The following TOP1 variants were observed in gnomAD, a reference collection of about 807,000 sequenced individuals.
The protein encoded by TOP1 is DNA topoisomerase I.
TOP1 carries 10 observed loss-of-function variants against 111.1 expected under a neutral mutation model. The observed-to-expected ratio is 0.09, with a 90% CI of 0.06 to 0.15. The LOEUF is 0.15. TOP1 is among the 10% of genes least tolerant of loss of function. The pLI is 1.00. For synonymous variants in TOP1, 271 were observed against 302.9 expected, an observed-to-expected ratio of 0.89 and a Z score of 1.10; for missense variants, 474 against 926.7, an observed-to-expected ratio of 0.51 and a Z score of 6.34.
rs2033452932 is a variant in TOP1, at chr20:41,054,983, G to T, written c.59-6411G>T. 1.3e-5 allele frequency among the ~76,000 whole-genome samples: 2 copies of T among 152,232 alleles called. 1 individual carries two copies. The highest frequency in any genetic ancestry group is 4.1e-4 in the South Asian group (2 of 4,824). On this transcript the variant is annotated intron_variant, in intron 2 of 20. Transcript: ENST00000361337. ...TTTTAAACCCCAGGGAATACGTTAG[G>T]TAACAATAGCAAAAGATGTTGATTC... is the stretch of plus-strand genomic sequence containing the variant.
chr20:41,049,083 C>T (rs963543045), intron 2 of TOP1, among the ~76,000 whole-genome samples: 1 of 152,164 alleles, frequency 6.6e-6, no homozygotes, highest in Non-Finnish European at 1.5e-5. Flanking sequence ...TCATTTAACC[C>T]TTTTGTGTGT....
At chr20:41,055,460 C>G (rs1318122863) in intron 2 of TOP1, among the ~76,000 whole-genome samples, 2 of 152,102 alleles carry the variant, frequency 1.3e-5, no homozygotes, top group East Asian at 3.9e-4. Flanking sequence ...GATCTGTGTG[C>G]CCTTATTGGC....
intron 3 of TOP1, 32 bp from the exon 4 acceptor site, chr20:41,076,139 G>T: frequency 6.3e-7 from 1 of 1,598,210 alleles, no homozygotes; most frequent in South Asian, 1.1e-5. Context: ...TCCCTACTCT[G>T]GGCTAACGCT....
intron 9 of TOP1, among the ~76,000 whole-genome samples, chr20:41,096,170 G>A (rs532855141): frequency 5.9e-5 from 9 of 152,262 alleles, no homozygotes; most frequent in South Asian, 2.1e-4. Flanking sequence ...GGGTTCAAGC[G>A]ATTCTCATGC....
chr20:41,055,898 A>T (rs926981037), intron 2 of TOP1, among the ~76,000 whole-genome samples: 1 of 152,202 alleles, frequency 6.6e-6, no homozygotes, highest in Non-Finnish European at 1.5e-5. Context: ...TCTTCTTGCC[A>T]TGCCCTCACA....
chr20:41,089,017 G>GTTATTTTTT (rs1290740653), intron 8 of TOP1, among the ~76,000 whole-genome samples: 1 of 69,272 alleles, frequency 1.4e-5, no homozygotes, highest in African/African-American at 7.8e-5. Flanking sequence ...TGTTGCCCCA[G>GTTATTTTTT]TTCTTTTTTT....
chr20:41,075,864 G>A (rs1243806786), intron 3 of TOP1, among the ~76,000 whole-genome samples: 1 of 152,204 alleles, frequency 6.6e-6, no homozygotes, highest in Non-Finnish European at 1.5e-5. Flanking sequence ...TGAAGTTGGA[G>A]CTTTCATTAT....
Position 41,058,316 on chromosome 20 carries a change from C to G in TOP1, c.59-3078C>G, listed in dbSNP as rs2033499940. Among the ~76,000 whole-genome samples the G allele has an allele frequency of 6.6e-6, 1 of 152,214 alleles. No individual in the cohort carries two copies. The highest frequency in any genetic ancestry group is 1.5e-5 in the Non-Finnish European group (1 of 68,044). ...ATATAATAGCTTAAAACAACAGACA[C>G]TTATTTTCTCATGTAGTTCCTGTGA... On this transcript the variant is annotated intron_variant, in intron 2 of 20. Transcript: ENST00000361337. The surrounding 1 kb of genome is among the most constrained non-coding windows in gnomAD (Gnocchi z 4.2).
At chr20:41,038,011 G>A (rs543971414) in intron 2 of TOP1, among the ~76,000 whole-genome samples, 7 of 152,298 alleles carry the variant, frequency 4.6e-5, no homozygotes, top group Admixed American at 3.9e-4. Flanking sequence ...AAAAAAATCT[G>A]GGAAGATGAG....
rs2145947579 is a variant in TOP1, at chr20:41,095,061, T to C, written c.731-2159T>C. Among the ~76,000 whole-genome samples, 1 of 152,266 alleles carries C rather than the reference T, an allele frequency of 6.6e-6. No homozygotes were observed. Among genetic ancestry groups the C allele is most frequent in the South Asian group, 2.1e-4 (1 of 4,812 alleles). On this transcript the variant is annotated intron_variant, in intron 9 of 20. Transcript: ENST00000361337. This position sits in a 1 kb window ranked among gnomAD's most constrained non-coding sequence, Gnocchi z 4.6. ...TTTTTTTTAAATTTATTTTTATATTTATTTATTTGAGACAGAGTCACACTC... is the reference window on the plus strand; with the variant it reads ...TTTTTTTTAAATTTATTTTTATATTCATTTATTTGAGACAGAGTCACACTC...
At position 41,116,525 on chromosome 20, in the gene TOP1, T is replaced by C. The variant is rs1196494675; in HGVS notation, c.1822+133T>C. ...GTCAGACACTTTTTCCCTTTAGACC[T>C]CTAGTAGCGAGATAATGCTTTGTTG... On this transcript the variant is annotated intron_variant, in intron 17 of 20. Transcript: ENST00000361337. This position sits in a 1 kb window ranked among gnomAD's most constrained non-coding sequence, Gnocchi z 5.6. The C allele has an allele frequency of 1.6e-6, 1 of 632,954 alleles. No homozygotes were observed. Among genetic ancestry groups the C allele is most frequent in the African/African-American group, 1.8e-5 (1 of 54,776 alleles). 39.2% of individuals were successfully genotyped at this position (632,954 alleles called of 1,614,324 possible).
At chr20:41,060,643 T>C (rs2033533202) in intron 2 of TOP1, among the ~76,000 whole-genome samples, 1 of 152,178 alleles carries the variant, frequency 6.6e-6, no homozygotes, top group African/African-American at 2.4e-5. Flanking sequence ...TTAATATTTG[T>C]AGGGGATTGG....
rs1347922542 is a variant in TOP1 at position 41,082,578 on chromosome 20, A to G, written c.507+1338A>G. Among the ~76,000 whole-genome samples, 1 of 152,214 alleles carries G rather than the reference A, an allele frequency of 6.6e-6. No individual in the cohort carries two copies. The highest frequency in any genetic ancestry group is 3.2e-3 in the Middle Eastern group (1 of 316). The stretch of plus-strand genomic sequence containing the variant: ...CTAATTCTGCAAGGAGGGAGAAGAA[A>G]GGTCTTTAATGAAATCATATGAAGA... On this transcript the variant is annotated intron_variant, in intron 7 of 20. Coordinates refer to ENST00000361337, the MANE Select transcript of TOP1 (RefSeq NM_003286.4). This position sits in a 1 kb window ranked among gnomAD's most constrained non-coding sequence, Gnocchi z 4.1.
intron 2 of TOP1, among the ~76,000 whole-genome samples, chr20:41,053,731 AT>A (rs1224821859): frequency 6.6e-6 from 1 of 152,124 alleles, no homozygotes; most frequent in Non-Finnish European, 1.5e-5. Context: ...TTCCTAAAAC[AT>A]TTTTTCTTAA....
At chr20:41,060,471 G>A (rs2033530838) in intron 2 of TOP1, among the ~76,000 whole-genome samples, 1 of 152,200 alleles carries the variant, frequency 6.6e-6, no homozygotes, top group Non-Finnish European at 1.5e-5. Flanking sequence ...TATACAGCAC[G>A]ATCAGATCAG....
At chr20:41,040,721 A>AC (rs1270347662) in intron 2 of TOP1, among the ~76,000 whole-genome samples, 2 of 149,212 alleles carry the variant, frequency 1.3e-5, no homozygotes, top group Non-Finnish European at 3.0e-5. Flanking sequence ...CAGGAGAATC[A>AC]CTTGAACCTG....
chr20:41,054,951 A>AAGT lies in TOP1; in HGVS notation c.59-6442_59-6441insGTA, dbSNP rs1462639024. 2.3e-4 allele frequency among the ~76,000 whole-genome samples: 35 copies of AAGT among 152,316 alleles called. No individual in the cohort carries two copies. The East Asian group carries it at 6.7e-3, about 29-fold the overall frequency. ...TTGTCTGTCGGAAGCTTCTTTACTT[A>AAGT]AAAGCTTTTTAAACCCCAGGGAATA... On this transcript the variant is annotated intron_variant, in intron 2 of 20. Transcript: ENST00000361337.
At chr20:41,074,494 T>G (rs80303030) in intron 3 of TOP1, among the ~76,000 whole-genome samples, 9 of 117,130 alleles carry the variant, frequency 7.7e-5, no homozygotes, top group Non-Finnish European at 1.7e-4. Flanking sequence ...GTTTTGTTTT[T>G]TTTTTTCTCC....
rs953023442 is a variant in TOP1, at chr20:41,046,479, G to T, written c.59-14915G>T. Among the ~76,000 whole-genome samples, 1 of 152,190 alleles carries T rather than the reference G, an allele frequency of 6.6e-6. No individual in the cohort carries two copies. The highest frequency in any genetic ancestry group is 6.5e-5 in the Admixed American group (1 of 15,280). ...GGTGGAATTACCCATCAGACTGGGG[G>T]CGCCCATCTCTTCACTTATGATGTG... On this transcript the variant is annotated intron_variant, in intron 2 of 20. Transcript: ENST00000361337. This position sits in a 1 kb window ranked among gnomAD's most constrained non-coding sequence, Gnocchi z 4.3.
Sources: gnomAD v4.1 joint callset for allele counts (sites outside exome capture counted in the v4.1 genomes callset) on GRCh38, gnomAD v4.1.1 for gene constraint, Gnocchi (gnomAD v3.1) non-coding constraint, MANE v1.5 for transcripts, NCBI Gene and HGNC (gene_info 2026-07-23, HGNC 2026-07-21) for gene names.